Variants in SEMA5A observed in about 807,000 individuals in gnomAD.
The protein encoded by SEMA5A is semaphorin 5A, also known as semaphorin-5A.
A neutral mutation model predicts 135.5 loss-of-function variants in SEMA5A; 55 were observed. The observed-to-expected ratio is 0.41, with a 90% CI of 0.33 to 0.51. The LOEUF (loss-of-function observed/expected upper bound fraction) is 0.51, where lower values mean the gene tolerates loss of function less well. SEMA5A is among the 20% of genes least tolerant of loss of function. SEMA5A has a pLI of 0.37. For missense variants in SEMA5A, 1,290 were observed against 1,419.9 expected (o/e 0.91, Z 1.47); for synonymous variants, 580 against 546.5 (o/e 1.06, Z -0.85).
chr5:9,110,503 T>A (rs1740181845), intron 15 of SEMA5A, among the ~76,000 whole-genome samples: 1 of 152,090 alleles, frequency 6.6e-6, no homozygotes, highest in South Asian at 2.1e-4. Context: ...GGAGAAGAAG[T>A]GGTGGAGATG....
At chr5:9,128,889 A>C (rs1395354798) in intron 13 of SEMA5A, among the ~76,000 whole-genome samples, 1 of 151,974 alleles carries the variant, frequency 6.6e-6, no homozygotes, top group Non-Finnish European at 1.5e-5. Context: ...GTTTAGTGAC[A>C]CCCCTGGCCT....
At chr5:9,123,925 G>A (rs1269824582) in intron 13 of SEMA5A, among the ~76,000 whole-genome samples, 1 of 152,096 alleles carries the variant, frequency 6.6e-6, no homozygotes, top group Non-Finnish European at 1.5e-5. Context: ...CACCCAACAT[G>A]CTCACAAGGT....
At chr5:9,462,895 C>A (rs1263345747) in intron 1 of SEMA5A, among the ~76,000 whole-genome samples, 1 of 150,092 alleles carries the variant, frequency 6.7e-6, no homozygotes, top group Non-Finnish European at 1.5e-5. Context: ...AATACCTGGG[C>A]AATGAAATAA....
rs141307495 is a variant in SEMA5A at position 9,065,948 on chromosome 5, C to T, written c.2299+473G>A. Among the ~76,000 whole-genome samples the T allele has an allele frequency of 1.3e-4, 20 of 152,346 alleles. No individual in the cohort carries two copies. In the East Asian group the frequency reaches 3.7e-3, roughly 28 times the overall value. On this transcript the variant is annotated intron_variant, in intron 17 of 22. Transcript: ENST00000382496. ...ATAAGGAGCAAAGTTATTTCAAAGA[C>T]TATTCTAGTATCCTTACACAATGTG...
In SEMA5A at chr5:9,442,140, C is replaced by G. The variant is rs143291424; in HGVS notation, c.-174-4288G>C. On this transcript the variant is annotated intron_variant, in intron 1 of 22. Transcript: ENST00000382496. ...AGTTCCTGGGAAGTCACCTCTAAGACCTTAGAATGTCCTGCCTGATGAGAG... is the reference window on the plus strand; with the variant it reads ...AGTTCCTGGGAAGTCACCTCTAAGAGCTTAGAATGTCCTGCCTGATGAGAG... 2.4e-3 allele frequency among the ~76,000 whole-genome samples: 371 copies of G among 152,292 alleles called. 2 individuals are homozygous for G. The highest frequency in any genetic ancestry group is 8.3e-3 in the African/African-American group (347 of 41,564).
At chr5:9,179,725 A>G (rs1744398219) in intron 11 of SEMA5A, among the ~76,000 whole-genome samples, 1 of 152,192 alleles carries the variant, frequency 6.6e-6, no homozygotes, top group Admixed American at 6.5e-5. Context: ...ATCGGGCCTA[A>G]AACAAACTCA....
chr5:9,509,395 C>T (rs1025118367), intron 1 of SEMA5A, among the ~76,000 whole-genome samples: 9 of 152,196 alleles, frequency 5.9e-5, no homozygotes, highest in African/African-American at 2.2e-4. Context: ...CTGTCTCAGC[C>T]TCCCGAGTAG....
chr5:9,130,536 T>C (rs1330488389), intron 13 of SEMA5A, among the ~76,000 whole-genome samples: 2 of 152,222 alleles, frequency 1.3e-5, no homozygotes, highest in South Asian at 2.1e-4. Flanking sequence ...ACTGGGGCAA[T>C]AGTTATCTAA....
chr5:9,317,891 T>C (rs1422492375), intron 5 of SEMA5A, among the ~76,000 whole-genome samples: 1 of 152,188 alleles, frequency 6.6e-6, no homozygotes, highest in Non-Finnish European at 1.5e-5. Flanking sequence ...ACAACAGAAG[T>C]AGGTAAATTT....
intron 6 of SEMA5A, among the ~76,000 whole-genome samples, chr5:9,231,731 A>G (rs1468681287): frequency 6.6e-6 from 1 of 152,164 alleles, no homozygotes; most frequent in Non-Finnish European, 1.5e-5. Flanking sequence ...TCTCTTATAA[A>G]TCAGCATACT....
intron 16 of SEMA5A, among the ~76,000 whole-genome samples, chr5:9,069,641 C>A (rs1561122432): frequency 1.3e-5 from 2 of 152,102 alleles, no homozygotes; most frequent in African/African-American, 2.4e-5. Context: ...ACATCATAGG[C>A]TTTTAACAGA....
rs1157417525 is a variant in SEMA5A at position 9,154,045 on chromosome 5, C to CAAA, written c.1481+440_1481+442dup. ...TGGGTGACAGAGTGAGACTGTGTCT[C>CAAA]AAAAAAAAAAAAAAAAAATATATAT... On this transcript the variant is annotated intron_variant, in intron 12 of 22. Coordinates refer to ENST00000382496, the MANE Select transcript of SEMA5A (RefSeq NM_003966.3). 3.3e-3 allele frequency among the ~76,000 whole-genome samples: 112 copies of CAAA among 34,098 alleles called. 2 individuals are homozygous for CAAA. Among genetic ancestry groups the CAAA allele is most frequent in the Non-Finnish European group, 4.2e-3 (80 of 19,134 alleles). 22.4% of individuals were successfully genotyped at this position (34,098 alleles called of 152,430 possible). A position where few individuals can be genotyped will look rare whatever the true frequency, so the allele number is the denominator to read the frequency against.
intron 1 of SEMA5A, among the ~76,000 whole-genome samples, chr5:9,528,018 T>A (rs577714497): frequency 6.6e-6 from 1 of 152,320 alleles, no homozygotes; most frequent in African/African-American, 2.4e-5. Context: ...AATATGACAT[T>A]TGCACGTAGC....
At chr5:9,302,446 C>T (rs1049363824) in intron 5 of SEMA5A, among the ~76,000 whole-genome samples, 3 of 152,214 alleles carry the variant, frequency 2.0e-5, no homozygotes, top group South Asian at 2.1e-4. Context: ...TGAGCCATCA[C>T]ATAAGCCAAA....
chr5:9,081,511 T>C (rs1341194047), intron 16 of SEMA5A, among the ~76,000 whole-genome samples: 1 of 151,624 alleles, frequency 6.6e-6, no homozygotes, highest in Non-Finnish European at 1.5e-5. Context: ...ATTTTCCAAA[T>C]GGAAGACTCA....
intron 9 of SEMA5A, among the ~76,000 whole-genome samples, chr5:9,198,569 G>C (rs1046240395): frequency 5.3e-5 from 8 of 152,258 alleles, no homozygotes; most frequent in Admixed American, 5.2e-4. Flanking sequence ...GGGCCTTGAG[G>C]GTATTGTGGG....
chr5:9,229,403 C>T (rs1747494186), intron 6 of SEMA5A, among the ~76,000 whole-genome samples: 2 of 152,202 alleles, frequency 1.3e-5, no homozygotes, highest in South Asian at 4.1e-4. Flanking sequence ...AAGAACCACA[C>T]AGTACTTCCT....
chr5:9,201,993 A>C lies in SEMA5A; in HGVS notation c.894T>G (p.Pro298=). The C allele has an allele frequency of 6.2e-7, 1 of 1,614,206 alleles. No homozygotes were observed. The highest frequency in any genetic ancestry group is 1.1e-5 in the South Asian group (1 of 91,076). ...YNELQSTFFL[P]ELDLIYGIFT... ...AGATGCCATAGATCAAATCCAGCTC[A>C]GGCAGGAAGAAAGTACTCTGCAATT... The change falls in exon 9 of 23, where the codon CCT becomes CCG. Residue 298 remains proline, a synonymous_variant. Transcript: ENST00000382496.
intron 2 of SEMA5A, among the ~76,000 whole-genome samples, chr5:9,404,522 G>C (rs1045095222): frequency 6.6e-6 from 1 of 152,152 alleles, no homozygotes; most frequent in Non-Finnish European, 1.5e-5. Flanking sequence ...TTTCTGCGAA[G>C]GCTAAATCAT....
Sources: allele counts gnomAD v4.1 joint callset (sites outside exome capture counted in the v4.1 genomes callset), GRCh38; gene constraint gnomAD v4.1.1; transcripts MANE v1.5; gene names NCBI Gene and HGNC (gene_info 2026-07-23, HGNC 2026-07-21).